The following ERMARD variants were observed in gnomAD, a reference collection of about 807,000 sequenced individuals.
The protein encoded by ERMARD is ER membrane associated RNA degradation.
Under a neutral mutation model 83.9 loss-of-function variants are expected in ERMARD, and 71 were observed. The ratio of observed to expected loss-of-function variants is 0.85; its 90% confidence interval spans 0.70 to 1.03. ERMARD has a LOEUF of 1.03. Among genes scored for constraint, ERMARD ranks in the 50% least tolerant of loss-of-function variants. The probability of loss-of-function intolerance (pLI) is 0.00; values close to 1 mark genes in which losing one functional copy is unlikely to be tolerated. For synonymous variants in ERMARD, 284 were observed against 298.6 expected, an observed-to-expected ratio of 0.95 and a Z score of 0.50; for missense variants, 838 against 810.9, an observed-to-expected ratio of 1.03 and a Z score of -0.41.
rs147428643 is a variant in ERMARD, at chr6:169,763,217, G to T, written c.960+686G>T. ...GATCTCGAAATAATATGGCTGCAGT[G>T]ACTGAAATAGGATAGAAGTGCATTT... is the stretch of plus-strand genomic sequence containing the variant. On this transcript the variant is annotated intron_variant, in intron 9 of 17. Coordinates refer to ENST00000366773, the MANE Select transcript of ERMARD (RefSeq NM_018341.3). Among the ~76,000 whole-genome samples the T allele has an allele frequency of 6.7e-3, 1,021 of 152,292 alleles. 22 individuals carry two copies. Among genetic ancestry groups the T allele is most frequent in the African/African-American group, 0.024 (991 of 41,552 alleles).
At chr6:169,773,259 A>G (rs1293983198) in intron 12 of ERMARD, 60 bp from the exon 13 acceptor site, 12 of 1,465,620 alleles carry the variant, frequency 8.2e-6, no homozygotes, top group South Asian at 7.0e-5. Context: ...CTACAGTTCA[A>G]TAGAAGAAAG....
chr6:169,766,095 T>A (rs1469777790), intron 9 of ERMARD, among the ~76,000 whole-genome samples: 2 of 152,232 alleles, frequency 1.3e-5, no homozygotes, highest in Non-Finnish European at 2.9e-5. Context: ...TCTTAACTTC[T>A]CCTTTTGCAG....
At chr6:169,756,526 A>G in intron 4 of ERMARD, 87 bp downstream of exon 4, 2 of 1,095,074 alleles carry the variant, frequency 1.8e-6, no homozygotes, top group East Asian at 2.4e-5. Context: ...AGTTTTCTTG[A>G]TTATTTTCCT....
At chr6:169,780,104 C>G (rs773474168) in intron 17 of ERMARD, among the ~76,000 whole-genome samples, 1 of 139,342 alleles carries the variant, frequency 7.2e-6, no homozygotes, top group Admixed American at 7.0e-5. Flanking sequence ...TGCATAGACT[C>G]CTGCTGAGAG....
In ERMARD at chr6:169,756,715, T is replaced by C. The variant is rs749295823; in HGVS notation, c.418-4T>C. On this transcript the variant is annotated splice_polypyrimidine_tract_variant and splice_region_variant and intron_variant, in intron 4 of 17. Coordinates refer to ENST00000366773, the MANE Select transcript of ERMARD (RefSeq NM_018341.3). ...CTGTTACACAATTTTTGTTTGAATT[T>C]TAGGTATTTTTACTGATTGGGAAGG... The C allele has an allele frequency of 6.2e-7, 1 of 1,612,964 alleles. No homozygotes were observed. The highest frequency in any genetic ancestry group is 1.1e-5 in the South Asian group (1 of 91,034).
At position 169,775,818 on chromosome 6, in the gene ERMARD, T is replaced by G. The variant is rs569964308; in HGVS notation, c.1395-122T>G. 7 of 1,263,392 alleles carry G rather than the reference T, an allele frequency of 5.5e-6. No individual in the cohort carries two copies. In the East Asian group the frequency reaches 1.7e-4, roughly 31 times the overall value. The allele number at this position is 1,263,392 out of a possible 1,614,324, so 78.3% of individuals were successfully genotyped here. ...TCATGGTGGCTTTTTCCATTTTATA[T>G]TTGAGGAAAGTGAGATTCACAGTCA... On this transcript the variant is annotated intron_variant, in intron 14 of 17. Transcript: ENST00000366773.
intron 14 of ERMARD, among the ~76,000 whole-genome samples, chr6:169,775,568 G>A (rs542985773): frequency 4.6e-5 from 7 of 152,368 alleles, no homozygotes; most frequent in African/African-American, 1.7e-4. Context: ...CGAGAGGCAG[G>A]TTTTGTGGGT....
chr6:169,781,006 T>C (rs1794141245), intron 17 of ERMARD, among the ~76,000 whole-genome samples: 1 of 152,218 alleles, frequency 6.6e-6, no homozygotes, highest in African/African-American at 2.4e-5. Flanking sequence ...TTTATTATAT[T>C]ATGTGTCAGT....
At chr6:169,756,543 T>A in intron 4 of ERMARD, 104 bp downstream of exon 4, 1 of 1,014,022 alleles carries the variant, frequency 9.9e-7, no homozygotes, top group East Asian at 2.5e-5. Context: ...TCCTATAAGA[T>A]AAAATCATTT....
Position 169,781,313 on chromosome 6 carries a change from T to A in ERMARD, c.1854-17T>A. 1 of 1,576,730 alleles carries A rather than the reference T, an allele frequency of 6.3e-7. No individual in the cohort carries two copies. Among genetic ancestry groups the A allele is most frequent in the Non-Finnish European group, 8.6e-7 (1 of 1,167,858 alleles). On this transcript the variant is annotated splice_polypyrimidine_tract_variant and intron_variant, in intron 17 of 17. Transcript: ENST00000366773. ...TTTATAATGGAATGGATAAAGAAATTAATTTTTTTTTTACAGGTTTGTAAA... is the reference window on the plus strand; with the variant it reads ...TTTATAATGGAATGGATAAAGAAATAAATTTTTTTTTTACAGGTTTGTAAA...
intron 13 of ERMARD, 75 bp downstream of exon 13, chr6:169,773,477 G>C: frequency 6.8e-7 from 1 of 1,465,024 alleles, no homozygotes; most frequent in East Asian, 2.3e-5. Context: ...GATGCTGGAA[G>C]GGTGCAGTTT....
rs149579508 is a variant in ERMARD at position 169,778,557 on chromosome 6, G to T, written c.1740-625G>T. ...TTGGATACATTTCTAGAATTTTTGGGTTGAGTGGTATCTGTTTTTAAAGCT... is the reference window on the plus strand; with the variant it reads ...TTGGATACATTTCTAGAATTTTTGGTTTGAGTGGTATCTGTTTTTAAAGCT... On this transcript the variant is annotated intron_variant, in intron 16 of 17. Coordinates refer to ENST00000366773, the MANE Select transcript of ERMARD (RefSeq NM_018341.3). Among the ~76,000 whole-genome samples the T allele has an allele frequency of 4.6e-5, 7 of 152,250 alleles. No homozygotes were observed. In the East Asian group the frequency reaches 1.4e-3, roughly 29 times the overall value.
At position 169,776,065 on chromosome 6, in the gene ERMARD, C is replaced by T. The variant is rs369069511; in HGVS notation, c.1520C>T (p.Thr507Met). 10 of 1,612,926 alleles carry T rather than the reference C, an allele frequency of 6.2e-6. No individual in the cohort carries two copies. Among genetic ancestry groups the T allele is most frequent in the Admixed American group, 3.3e-5 (2 of 59,804 alleles). ...LKDLDRLPTE[T>M]WPQLLRELCS... ...GACTTGGATCGTCTTCCTACTGAGACGTAAGTTCCAGGACATCCTGACAAC... is the reference window on the plus strand; with the variant it reads ...GACTTGGATCGTCTTCCTACTGAGATGTAAGTTCCAGGACATCCTGACAAC... The change falls in exon 15 of 18, where the codon ACG becomes ATG. Residue 507 changes from threonine to methionine, a missense_variant and splice_region_variant. Thr to Met is a moderately conservative substitution (Grantham distance 81). Coordinates refer to ENST00000366773, the MANE Select transcript of ERMARD (RefSeq NM_018341.3).
intron 11 of ERMARD, 84 bp from the exon 12 acceptor site, chr6:169,769,456 C>G: frequency 7.5e-7 from 1 of 1,328,910 alleles, no homozygotes; most frequent in Non-Finnish European, 1.0e-6. Flanking sequence ...GATGGATGCA[C>G]TCTTTCCTTC....
intron 9 of ERMARD, among the ~76,000 whole-genome samples, chr6:169,766,005 G>T (rs1792157664): frequency 6.8e-6 from 1 of 147,346 alleles, no homozygotes; most frequent in African/African-American, 2.6e-5. Flanking sequence ...CATGCTGTCT[G>T]TCAAATCTCA....
intron 10 of ERMARD, 88 bp from the exon 11 acceptor site, chr6:169,768,015 T>C: frequency 9.2e-7 from 1 of 1,085,938 alleles, no homozygotes; most frequent in Non-Finnish European, 1.4e-6. Flanking sequence ...CAAGTTAGGC[T>C]AAAAGTACTA....
chr6:169,771,077 C>CTTTTTTTTTTTTTTT (rs60995171), intron 12 of ERMARD: 5 of 141,304 alleles, frequency 3.5e-5, no homozygotes, highest in South Asian at 2.2e-4. Flanking sequence ...TCTTTTCTTT[C>CTTTTTTTTTTTTTTT]TTTTTTTTTT....
Position 169,759,950 on chromosome 6 carries a change from C to A in ERMARD, c.718C>A (p.Leu240Ile), listed in dbSNP as rs1427094992. 1.2e-6 allele frequency: 2 copies of A among 1,614,140 alleles called. No homozygotes were observed. Among genetic ancestry groups the A allele is most frequent in the Non-Finnish European group, 1.7e-6 (2 of 1,180,022 alleles). The change falls in exon 7 of 18, where the codon CTC becomes ATC. Residue 240 changes from leucine to isoleucine, a missense_variant. By Grantham distance (5) the Leu-to-Ile change is conservative. Transcript: ENST00000366773. Reference protein sequence around the residue: ...AHRSFISLTNLEDLIVFPDVT... With the variant: ...AHRSFISLTNIEDLIVFPDVT... ...TCGCTCTTTCATATCTCTTACAAAC[C>A]TCGAGGATTTGATTGTTTTTCCTGG...
At chr6:169,755,608 C>A (rs1207891048) in intron 3 of ERMARD, 186 bp downstream of exon 3, 2 of 631,764 alleles carry the variant, frequency 3.2e-6, no homozygotes, top group East Asian at 5.8e-5. Flanking sequence ...GAAACATGCC[C>A]CTTGGAACAC....
Sources: allele counts gnomAD v4.1 joint callset (sites outside exome capture counted in the v4.1 genomes callset), GRCh38; gene constraint gnomAD v4.1.1; transcripts MANE v1.5; gene names NCBI Gene and HGNC (gene_info 2026-07-23, HGNC 2026-07-21).